UBE2E2: variants seen among roughly 807,000 people sequenced by gnomAD.
UBE2E2 encodes ubiquitin-conjugating enzyme E2 E2.
UBE2E2 carries 6 observed loss-of-function variants against 24.7 expected under a neutral mutation model. That is an observed-to-expected ratio of 0.24 (90% CI 0.13 to 0.48). The LOEUF is 0.48. UBE2E2 is among the 20% of genes least tolerant of loss of function. The pLI is 0.99. For synonymous variants in UBE2E2, 104 were observed against 83.6 expected (o/e 1.24, Z -1.33); for missense variants, 169 against 245.0 (o/e 0.69, Z 2.07).
intron 3 of UBE2E2, among the ~76,000 whole-genome samples, chr3:23,285,607 G>A (rs781311060): frequency 7.2e-5 from 11 of 151,998 alleles, no homozygotes; most frequent in Non-Finnish European, 1.6e-4. Context: ...GTTTTGATTT[G>A]AATTTTGCTG....
intron 3 of UBE2E2, among the ~76,000 whole-genome samples, chr3:23,363,262 C>G (rs1005066822): frequency 1.6e-4 from 24 of 152,190 alleles, no homozygotes; most frequent in African/African-American, 5.8e-4. Flanking sequence ...TGATAACCAG[C>G]TAACAACATG....
chr3:23,487,524 C>T (rs1258963691), intron 3 of UBE2E2, among the ~76,000 whole-genome samples: 2 of 152,162 alleles, frequency 1.3e-5, no homozygotes, highest in African/African-American at 4.8e-5. Flanking sequence ...AATCCGGTTG[C>T]GCTACTACCG....
At chr3:23,436,134 G>C (rs370531591) in intron 3 of UBE2E2, among the ~76,000 whole-genome samples, 1 of 152,050 alleles carries the variant, frequency 6.6e-6, no homozygotes. Flanking sequence ...TTCCTAACAG[G>C]CTACAGACTG....
At chr3:23,532,916 T>C (rs77866410) in intron 5 of UBE2E2, among the ~76,000 whole-genome samples, 4,408 of 152,238 alleles carry the variant, frequency 0.029, 110 homozygotes, top group East Asian at 0.13. Context: ...AAAAGTATAG[T>C]GTGGTAAAAA....
At chr3:23,288,044 T>C (rs934538992) in intron 3 of UBE2E2, among the ~76,000 whole-genome samples, 2 of 152,092 alleles carry the variant, frequency 1.3e-5, no homozygotes, top group South Asian at 2.1e-4. Flanking sequence ...TTTTTCTTTT[T>C]TGATGCAGGC....
chr3:23,258,089 C>G (rs1697785142), intron 3 of UBE2E2, among the ~76,000 whole-genome samples: 1 of 152,084 alleles, frequency 6.6e-6, no homozygotes, highest in Non-Finnish European at 1.5e-5. Context: ...GTGGTTAAGC[C>G]TAGCATAGGA....
chr3:23,479,456 C>G (rs1699207296), intron 3 of UBE2E2, among the ~76,000 whole-genome samples: 1 of 152,176 alleles, frequency 6.6e-6, no homozygotes, highest in Non-Finnish European at 1.5e-5. Flanking sequence ...ACAGTCCTAG[C>G]TCAGGGAGCC....
chr3:23,352,961 T>G (rs917705222), intron 3 of UBE2E2, among the ~76,000 whole-genome samples: 2 of 152,170 alleles, frequency 1.3e-5, no homozygotes, highest in African/African-American at 4.8e-5. Context: ...ATATCCTTGA[T>G]GAACATTGAT....
At chr3:23,256,376 C>T (rs1008145970) in intron 3 of UBE2E2, among the ~76,000 whole-genome samples, 1 of 152,134 alleles carries the variant, frequency 6.6e-6, no homozygotes, top group African/African-American at 2.4e-5. Context: ...ATTTATAGAA[C>T]TGTTTTTATT....
intron 3 of UBE2E2, among the ~76,000 whole-genome samples, chr3:23,410,962 C>T (rs1697482541): frequency 6.6e-6 from 1 of 151,922 alleles, no homozygotes. Flanking sequence ...TTTCTCATCC[C>T]CTCCTCTCCC....
intron 3 of UBE2E2, among the ~76,000 whole-genome samples, chr3:23,289,310 T>C (rs1306802863): frequency 6.6e-6 from 1 of 152,232 alleles, no homozygotes; most frequent in Non-Finnish European, 1.5e-5. Flanking sequence ...GTTATGCTTT[T>C]CTTTCTAAGA....
intron 5 of UBE2E2, among the ~76,000 whole-genome samples, chr3:23,569,794 GTATGTAGCACTGCTA>G (rs1370876158): frequency 1.1e-4 from 16 of 152,310 alleles, no homozygotes; most frequent in African/African-American, 3.6e-4. Flanking sequence ...TTGATTTAAT[GTATGTAGCACTGCTA>G]TATAGACTTA....
intron 4 of UBE2E2, among the ~76,000 whole-genome samples, chr3:23,524,865 G>GACACACAGACAC (rs780602583): frequency 3.5e-4 from 51 of 147,532 alleles, no homozygotes; most frequent in African/African-American, 1.1e-3. Flanking sequence ...CAGACACACA[G>GACACACAGACAC]ACACACACAC....
chr3:23,268,006 C>T (rs1357875797), intron 3 of UBE2E2, among the ~76,000 whole-genome samples: 1 of 151,620 alleles, frequency 6.6e-6, no homozygotes, highest in Non-Finnish European at 1.5e-5. Flanking sequence ...AATTCAACAA[C>T]TCTTCATGCT....
Position 23,376,525 on chromosome 3 carries a change from CT to C in UBE2E2, c.228-123081del, listed in dbSNP as rs1455737656. 9.2e-5 allele frequency among the ~76,000 whole-genome samples: 14 copies of C among 152,312 alleles called. No individual in the cohort carries two copies. The South Asian group carries it at 2.3e-3, about 25-fold the overall frequency. ...GTTGCCCAATTAGGATGGAAGCCGTCTTCTGTGGAAAATAGTCTAATTAAAG... is the reference window on the plus strand; with the variant it reads ...GTTGCCCAATTAGGATGGAAGCCGTCTCTGTGGAAAATAGTCTAATTAAAG... On this transcript the variant is annotated intron_variant, in intron 3 of 5. Transcript: ENST00000396703.
intron 3 of UBE2E2, among the ~76,000 whole-genome samples, chr3:23,375,936 A>C (rs1696510901): frequency 6.6e-6 from 1 of 152,346 alleles, no homozygotes; most frequent in South Asian, 2.1e-4. Flanking sequence ...AAAATTTCAT[A>C]AATGGCTTAT....
intron 3 of UBE2E2, among the ~76,000 whole-genome samples, chr3:23,463,617 TGATCTCATTAA>T (rs1452756257): frequency 6.6e-6 from 1 of 152,130 alleles, no homozygotes; most frequent in African/African-American, 2.4e-5. Context: ...AGTAGCTTCT[TGATCTCATTAA>T]GTTGTTCTCT....
At chr3:23,355,338 T>C (rs1015631838) in intron 3 of UBE2E2, among the ~76,000 whole-genome samples, 7 of 151,996 alleles carry the variant, frequency 4.6e-5, no homozygotes, top group Non-Finnish European at 8.8e-5. Context: ...ACGTAACCTG[T>C]ACATTGTGCA....
At chr3:23,333,952 T>C (rs1695137877) in intron 3 of UBE2E2, among the ~76,000 whole-genome samples, 1 of 152,232 alleles carries the variant, frequency 6.6e-6, no homozygotes, top group Admixed American at 6.5e-5. Flanking sequence ...TAAGATCTCA[T>C]GTTCTTTCAA....
Sources: gnomAD v4.1 joint callset for allele counts (sites outside exome capture counted in the v4.1 genomes callset) on GRCh38, gnomAD v4.1.1 for gene constraint, MANE v1.5 for transcripts, NCBI Gene and HGNC (gene_info 2026-07-23, HGNC 2026-07-21) for gene names.